Variants in SARS1 observed in about 807,000 individuals in gnomAD.
SARS1 encodes the protein seryl-tRNA synthetase 1.
SARS1 carries 25 observed loss-of-function variants against 63.7 expected under a neutral mutation model. The observed-to-expected ratio is 0.39, with a 90% CI of 0.29 to 0.55. The LOEUF (loss-of-function observed/expected upper bound fraction) is 0.55. Among genes scored for constraint, SARS1 ranks in the 20% least tolerant of loss-of-function variants. The pLI, the probability that SARS1 is intolerant of heterozygous loss-of-function variation, is 0.62. For missense variants in SARS1, 417 were observed against 649.7 expected, an observed-to-expected ratio of 0.64 and a Z score of 3.89; for synonymous variants, 231 against 243.5, an observed-to-expected ratio of 0.95 and a Z score of 0.48.
chr1:109,237,511 G>A lies in SARS1; in HGVS notation c.1387+138G>A. On this transcript the variant is annotated intron_variant, in intron 10 of 10. Transcript: ENST00000234677. This position sits in a 1 kb window ranked among gnomAD's most constrained non-coding sequence, Gnocchi z 4.1. ...AACTCTGTCTGCCCTCTCGGGCTGGGCAGGGCAGGGGGCCTGGTTGAGAAA... is the reference window on the plus strand; with the variant it reads ...AACTCTGTCTGCCCTCTCGGGCTGGACAGGGCAGGGGGCCTGGTTGAGAAA... 1 of 1,362,130 alleles carries A rather than the reference G, an allele frequency of 7.3e-7. No individual in the cohort carries two copies. Among genetic ancestry groups the A allele is most frequent in the Non-Finnish European group, 1.0e-6 (1 of 983,952 alleles). The allele number at this position is 1,362,130 out of a possible 1,614,324, so 84.4% of individuals were successfully genotyped here.
rs1654746014 is a variant in SARS1, at chr1:109,214,685, C to G, written c.136+557C>G. Reference sequence around the variant, plus strand: ...CTGAAGCTTTTCGGAAGGCCATCCCCCGACCTATGGGCATACCTTTAAGAA... The same window carrying G: ...CTGAAGCTTTTCGGAAGGCCATCCCGCGACCTATGGGCATACCTTTAAGAA... On this transcript the variant is annotated intron_variant, in intron 1 of 10. Transcript: ENST00000234677. This position sits in a 1 kb window ranked among gnomAD's most constrained non-coding sequence, Gnocchi z 4.6. 1.0e-6 allele frequency: 1 copy of G among 985,640 alleles called. No homozygotes were observed. The highest frequency in any genetic ancestry group is 1.2e-6 in the Non-Finnish European group (1 of 830,052). The allele number at this position is 985,640 out of a possible 1,614,324, so 61.1% of individuals were successfully genotyped here. A position where few individuals can be genotyped will look rare whatever the true frequency, so the allele number is the denominator to read the frequency against.
In SARS1 at chr1:109,235,099, GATTAA is replaced by G. The variant is rs1655281676; in HGVS notation, c.748-109_748-105del. 1.8e-5 allele frequency: 15 copies of G among 845,758 alleles called. No individual in the cohort carries two copies. The highest frequency in any genetic ancestry group is 1.8e-4 in the South Asian group (12 of 67,826). The allele number at this position is 845,758 out of a possible 1,614,324, so 52.4% of individuals were successfully genotyped here. On this transcript the variant is annotated intron_variant, in intron 6 of 10. Transcript: ENST00000234677. The surrounding 1 kb of genome is among the most constrained non-coding windows in gnomAD (Gnocchi z 4.7). ...TATTCTCTCCCCACTCCCAGGCAGG[GATTAA>G]AGGAAATTTTTCCTGCACTATTATT...
chr1:109,215,163 T>G, intron 1 of SARS1: 1 of 985,500 alleles, frequency 1.0e-6, no homozygotes, highest in Non-Finnish European at 1.2e-6. Flanking sequence ...AGTTTTGTGC[T>G]GATTCTATGT....
rs1414641627 is a variant in SARS1 at position 109,214,200 on chromosome 1, T to C, written c.136+72T>C. The C allele has an allele frequency of 1.0e-5, 16 of 1,536,158 alleles. No homozygotes were observed. The highest frequency in any genetic ancestry group is 1.4e-5 in the Non-Finnish European group (16 of 1,132,764). On this transcript the variant is annotated intron_variant, in intron 1 of 10. Coordinates refer to ENST00000234677, the MANE Select transcript of SARS1 (RefSeq NM_006513.4). The surrounding 1 kb of genome is among the most constrained non-coding windows in gnomAD (Gnocchi z 4.6). ...TTTCTCTCTCAAATCCAGCCACCGC[T>C]CCTGAGGCCACAGCTTCCACCCTTC...
chr1:109,214,671 C>T lies in SARS1; in HGVS notation c.136+543C>T, dbSNP rs866617558. 63 of 985,452 alleles carry T rather than the reference C, an allele frequency of 6.4e-5. No homozygotes were observed. Among genetic ancestry groups the T allele is most frequent in the Middle Eastern group, 5.2e-4 (1 of 1,936 alleles). 61.0% of individuals were successfully genotyped at this position (985,452 alleles called of 1,614,324 possible). On this transcript the variant is annotated intron_variant, in intron 1 of 10. Coordinates refer to ENST00000234677, the MANE Select transcript of SARS1 (RefSeq NM_006513.4). This position sits in a 1 kb window ranked among gnomAD's most constrained non-coding sequence, Gnocchi z 4.6. ...CAAAATAAATGACCCTGAAGCTTTT[C>T]GGAAGGCCATCCCCCGACCTATGGG...
In SARS1 at chr1:109,237,009, C is replaced by A; in HGVS notation, c.1258-235C>A. 1 of 1,305,082 alleles carries A rather than the reference C, an allele frequency of 7.7e-7. No individual in the cohort carries two copies. The highest frequency in any genetic ancestry group is 1.0e-6 in the Non-Finnish European group (1 of 969,550). 80.8% of individuals were successfully genotyped at this position (1,305,082 alleles called of 1,614,324 possible). On this transcript the variant is annotated intron_variant, in intron 9 of 10. Transcript: ENST00000234677. The surrounding 1 kb of genome is among the most constrained non-coding windows in gnomAD (Gnocchi z 4.1). ...CTCAAAGGGCCCAACTCTCAGAATA[C>A]CAGAAGCTACCACTTGTCACTCATC...
chr1:109,230,894 T>C lies in SARS1; in HGVS notation c.464T>C (p.Val155Ala). The change falls in exon 5 of 11, where the codon GTA (valine) becomes GCA (alanine). Residue 155 changes from valine (V) to alanine (A), a missense_variant. Transcript: ENST00000234677. Reference protein sequence around the residue: ...ISNDEDVDNKVERIWGDCTVR... With the variant: ...ISNDEDVDNKAERIWGDCTVR... ...TTTCCTTAGGATGTGGACAACAAAG[T>C]AGAGAGGATTTGGGGTGATTGTACA... 1 of 1,603,026 alleles carries C rather than the reference T, an allele frequency of 6.2e-7. No homozygotes were observed.
intron 2 of SARS1, 64 bp downstream of exon 2, chr1:109,224,112 G>C: frequency 8.2e-7 from 1 of 1,220,946 alleles, no homozygotes; most frequent in Non-Finnish European, 1.2e-6. Context: ...CTTGCTCTTA[G>C]CTAATGTTCA....
In SARS1 at chr1:109,224,015, C is replaced by T. The variant is rs763763716; in HGVS notation, c.174C>T (p.Asn58=). ...CAGACAACTTGAACAAGCTGAAGAA[C>T]CTATGCAGCAAGACAATCGGAGAGA... ...FRADNLNKLK[N]LCSKTIGEKM... The change falls in exon 2 of 11, where the codon AAC becomes AAT. Residue 58 remains asparagine, a synonymous_variant. Transcript: ENST00000234677. The T allele has an allele frequency of 6.2e-7, 1 of 1,613,622 alleles. No homozygotes were observed. The highest frequency in any genetic ancestry group is 8.5e-7 in the Non-Finnish European group (1 of 1,179,646).
chr1:109,236,782 G>A (rs1418534110), intron 9 of SARS1: 1 of 1,576,222 alleles, frequency 6.3e-7, no homozygotes, highest in South Asian at 1.2e-5. Context: ...TTCTCTTTCT[G>A]GCTTTGTTTT....
chr1:109,215,091 G>C (rs985869911), intron 1 of SARS1: 32 of 985,436 alleles, frequency 3.2e-5, no homozygotes, highest in Non-Finnish European at 3.9e-5. Context: ...TTTCTATTAG[G>C]AAAATTGATT....
intron 1 of SARS1, among the ~76,000 whole-genome samples, chr1:109,222,416 G>T (rs927431448): frequency 6.6e-6 from 1 of 152,070 alleles, no homozygotes; most frequent in Non-Finnish European, 1.5e-5. Context: ...CTTACCATGT[G>T]TAAATTTGTA....
chr1:109,228,568 C>T, intron 3 of SARS1, 136 bp downstream of exon 3: 1 of 627,552 alleles, frequency 1.6e-6, no homozygotes, highest in East Asian at 2.8e-5. Context: ...AATGTCCCCA[C>T]CCATTCTTGT....
chr1:109,236,011 A>G lies in SARS1; in HGVS notation c.1004A>G (p.Asn335Ser), dbSNP rs1478701260. ...EQFVYSSPHD[N>S]KSWEMFEEMI... is the part of the protein sequence containing the mutation. ...TTTGTGTACTCATCACCCCATGACAACAAGTCATGGGAGATGTTTGAAGAG... is the reference window on the plus strand; with the variant it reads ...TTTGTGTACTCATCACCCCATGACAGCAAGTCATGGGAGATGTTTGAAGAG... The change falls in exon 8 of 11, where the codon AAC becomes AGC. Residue 335 changes from asparagine (N) to serine (S), a missense_variant. This residue lies in a region of SARS1 where 359 missense variants were observed against 529.6 expected (regional missense o/e 0.68). Coordinates refer to ENST00000234677, the MANE Select transcript of SARS1 (RefSeq NM_006513.4). The G allele has an allele frequency of 5.6e-6, 9 of 1,612,582 alleles. No homozygotes were observed. The highest frequency in any genetic ancestry group is 5.3e-5 in the African/African-American group (4 of 74,874).
Position 109,229,583 on chromosome 1 carries a change from G to C in SARS1, c.447+11G>C, listed in dbSNP as rs1336596753. 6.2e-7 allele frequency: 1 copy of C among 1,606,288 alleles called. No homozygotes were observed. Among genetic ancestry groups the C allele is most frequent in the Non-Finnish European group, 8.5e-7 (1 of 1,175,688 alleles). ...ATCAGTAACGATGAGGTAGGTGGCT[G>C]TGCCGCAGCAGGAGGCTGCCTTAGG... On this transcript the variant is annotated intron_variant, in intron 4 of 10. Transcript: ENST00000234677.
intron 1 of SARS1, 30 bp from the exon 2 acceptor site, chr1:109,223,948 T>C (rs2101191116): frequency 6.5e-7 from 1 of 1,535,906 alleles, no homozygotes; most frequent in Non-Finnish European, 9.0e-7. Flanking sequence ...GGGCATTTCT[T>C]TGGTATAGTC....
chr1:109,230,681 C>G (rs1293626062), intron 4 of SARS1, among the ~76,000 whole-genome samples, 197 bp from the exon 5 acceptor site: 1 of 152,038 alleles, frequency 6.6e-6, no homozygotes, highest in African/African-American at 2.4e-5. Context: ...GTGTTGCACA[C>G]CTGTCTGTAG....
intron 2 of SARS1, among the ~76,000 whole-genome samples, chr1:109,227,307 T>A (rs1444726087): frequency 6.6e-6 from 1 of 152,146 alleles, no homozygotes; most frequent in Non-Finnish European, 1.5e-5. Context: ...CTTTTTAATT[T>A]AAGAAGAATT....
At position 109,228,398 on chromosome 1, in the gene SARS1, T is replaced by C; in HGVS notation, c.254T>C (p.Leu85Pro). ...GDDESVPENVLSFDDLTADAL... is the reference protein window; with the variant it reads ...GDDESVPENVPSFDDLTADAL... ...GATGAGTCTGTCCCAGAGAATGTGC[T>C]GAGTTTCGATGACCTTACTGCAGAC... Residue 85 changes from leucine to proline, a missense_variant, in exon 3 of 11, where the codon CTG becomes CCG. Leu to Pro is a moderately conservative substitution (Grantham distance 98, BLOSUM62 -3). Transcript: ENST00000234677. 6.2e-7 allele frequency: 1 copy of C among 1,613,782 alleles called. No homozygotes were observed. Among genetic ancestry groups the C allele is most frequent in the Non-Finnish European group, 8.5e-7 (1 of 1,179,668 alleles).
Sources: allele counts gnomAD v4.1 joint callset (sites outside exome capture counted in the v4.1 genomes callset), GRCh38; gene constraint gnomAD v4.1.1; regional missense constraint gnomAD v4.1.1; non-coding constraint Gnocchi (gnomAD v3.1); transcripts MANE v1.5; gene names NCBI Gene and HGNC (gene_info 2026-07-23, HGNC 2026-07-21).